Variants in KCTD15 observed in about 807,000 individuals in gnomAD.
KCTD15 encodes potassium channel tetramerization domain containing 15.
In KCTD15, 11 loss-of-function variants were observed where a neutral mutation model predicts 27.2. The observed-to-expected ratio is 0.41, with a 90% CI of 0.25 to 0.67. The LOEUF is 0.67. Among genes scored for constraint, KCTD15 ranks in the 30% least tolerant of loss-of-function variants. The probability of loss-of-function intolerance (pLI) is 0.35; values close to 1 mark genes in which losing one functional copy is unlikely to be tolerated. For synonymous variants in KCTD15, 163 were observed against 176.0 expected (o/e 0.93, Z 0.58); for missense variants, 350 against 409.3 (o/e 0.86, Z 1.25).
intron 6 of KCTD15, 66 bp from the exon 7 acceptor site, chr19:33,812,724 C>G: frequency 1.4e-6 from 2 of 1,399,140 alleles, no homozygotes; most frequent in Non-Finnish European, 1.9e-6. Context: ...ACCCACCTCC[C>G]TGCCAGGCCA....
chr19:33,803,521 A>G lies in KCTD15; in HGVS notation c.242+2179A>G, dbSNP rs566164555. Among the ~76,000 whole-genome samples, 4 of 152,008 alleles carry G rather than the reference A, an allele frequency of 2.6e-5. No individual in the cohort carries two copies. In the South Asian group the frequency reaches 8.4e-4, roughly 32 times the overall value. ...GGGACCTCTACCCTCGGCTCCCCTG[A>G]GAACTCTGCCTGAGCCTCTGGGTCT... On this transcript the variant is annotated intron_variant, in intron 4 of 6. Transcript: ENST00000683859.
upstream of KCTD15, among the ~76,000 whole-genome samples, chr19:33,794,621 C>T (rs1025205065): frequency 2.0e-5 from 3 of 152,242 alleles, no homozygotes; most frequent in Non-Finnish European, 4.4e-5. Context: ...ATTCCACCCT[C>T]CACAAAGGCC....
intron 4 of KCTD15, among the ~76,000 whole-genome samples, chr19:33,803,323 C>T (rs1344742501): frequency 6.6e-6 from 1 of 152,214 alleles, no homozygotes; most frequent in Non-Finnish European, 1.5e-5. Context: ...CTTGTCCTTC[C>T]TGTAGTGGAT....
At chr19:33,809,267 G>T (rs1975809213) in intron 5 of KCTD15, among the ~76,000 whole-genome samples, 1 of 152,000 alleles carries the variant, frequency 6.6e-6, no homozygotes, top group African/African-American at 2.4e-5. Flanking sequence ...ACAGAGCAAG[G>T]TTTCATAAGT....
chr19:33,802,890 G>C (rs1599674842), intron 4 of KCTD15, among the ~76,000 whole-genome samples: 1 of 152,348 alleles, frequency 6.6e-6, no homozygotes. Context: ...CCAGGCCCTG[G>C]GGGAGGCGGG....
At chr19:33,800,629 CTGT>C (rs1283104761) in intron 3 of KCTD15, 109 bp downstream of exon 3, 2 of 968,072 alleles carry the variant, frequency 2.1e-6, no homozygotes, top group African/African-American at 1.6e-5. Context: ...CTCCAGGTGG[CTGT>C]TGACTGGCTG....
intron 4 of KCTD15, 46 bp from the exon 5 acceptor site, chr19:33,806,817 C>CT: frequency 6.2e-7 from 1 of 1,600,216 alleles, no homozygotes; most frequent in Non-Finnish European, 8.5e-7. Flanking sequence ...GACAGGCAGA[C>CT]TTGTCCCCAT....
At position 33,797,220 on chromosome 19, in the gene KCTD15, G is replaced by A. The variant is rs902384788; in HGVS notation, c.-127+233G>A. 1.3e-4 allele frequency among the ~76,000 whole-genome samples: 19 copies of A among 151,920 alleles called. No homozygotes were observed. In the South Asian group the frequency reaches 4.0e-3, roughly 32 times the overall value. The stretch of plus-strand genomic sequence containing the variant: ...GGCCGCGGGTGGACCCTCCCCACGC[G>A]GGCGGTCTCGGAGCTTCCTGCCGCG... On this transcript the variant is annotated intron_variant, in intron 1 of 6. Coordinates refer to ENST00000683859, the MANE Select transcript of KCTD15 (RefSeq NM_001129994.2).
At position 33,811,478 on chromosome 19, in the gene KCTD15, G is replaced by C. The variant is rs1185531170; in HGVS notation, c.619G>C (p.Ala207Pro). The C allele has an allele frequency of 1.9e-6, 3 of 1,612,726 alleles. No individual in the cohort carries two copies. Among genetic ancestry groups the C allele is most frequent in the Non-Finnish European group, 1.7e-6 (2 of 1,179,774 alleles). Residue 207 changes from alanine (A) to proline (P), a missense_variant, in exon 6 of 7, where the codon GCC becomes CCC. Around this residue, in one of 3 missense-constraint regions of KCTD15, gnomAD observed 219 missense variants for 234.9 expected, o/e 0.93. Transcript: ENST00000683859. ...TGDVMCNSVN[A>P]GWNQDPTHVI... ...AGACGTCATGTGCAACTCCGTCAAC[G>C]CCGGCTGGAACCAGGACCCCACGCA...
intron 5 of KCTD15, among the ~76,000 whole-genome samples, chr19:33,810,094 C>T (rs1053073695): frequency 3.9e-5 from 6 of 152,120 alleles, no homozygotes; most frequent in African/African-American, 1.4e-4. Flanking sequence ...CTTGCCTCTT[C>T]CTCAGGCATG....
intron 2 of KCTD15, among the ~76,000 whole-genome samples, 187 bp downstream of exon 2, chr19:33,798,953 GT>G (rs1385592030): frequency 6.6e-6 from 1 of 152,208 alleles, no homozygotes; most frequent in Non-Finnish European, 1.5e-5. Context: ...TTCCTGTTCA[GT>G]TTATCCTCAG....
At chr19:33,811,177 T>TGCCCCCCCC in intron 5 of KCTD15, 70 bp from the exon 6 acceptor site, 2 of 786,088 alleles carry the variant, frequency 2.5e-6, no homozygotes, top group Non-Finnish European at 3.8e-6. Context: ...GCAGGCCGCC[T>TGCCCCCCCC]CCCCTCTCCC....
intron 5 of KCTD15, among the ~76,000 whole-genome samples, chr19:33,808,724 G>T: frequency 6.6e-6 from 1 of 152,078 alleles, no homozygotes; most frequent in South Asian, 2.1e-4. Flanking sequence ...AGAGGGGTGG[G>T]GGTGGGTGCA....
intron 6 of KCTD15, chr19:33,811,868 G>A (rs1174372229): frequency 7.5e-6 from 12 of 1,598,270 alleles, no homozygotes; most frequent in Middle Eastern, 1.7e-4. Flanking sequence ...CTTTGGATTC[G>A]AACTAAACCC....
Position 33,813,041 on chromosome 19 carries a change from C to T in KCTD15, c.*93C>T, listed in dbSNP as rs758850943. The T allele has an allele frequency of 3.4e-5, 45 of 1,328,914 alleles. No individual in the cohort carries two copies. Among genetic ancestry groups the T allele is most frequent in the Admixed American group, 4.1e-5 (2 of 49,368 alleles). The allele number at this position is 1,328,914 out of a possible 1,614,324, so 82.3% of individuals were successfully genotyped here. On this transcript the variant is annotated 3_prime_UTR_variant, in exon 7 of 7. Coordinates refer to ENST00000683859, the MANE Select transcript of KCTD15 (RefSeq NM_001129994.2). ...GTATACTTGGCCGTGGGCATGAGACCGAGGGTGAGGCTGGAGGGTCCAAAG... is the reference window on the plus strand; with the variant it reads ...GTATACTTGGCCGTGGGCATGAGACTGAGGGTGAGGCTGGAGGGTCCAAAG...
intron 3 of KCTD15, among the ~76,000 whole-genome samples, chr19:33,800,851 C>T (rs1426648210): frequency 1.3e-5 from 2 of 152,180 alleles, no homozygotes; most frequent in East Asian, 1.9e-4. Context: ...CATAAGCCCA[C>T]GACCTTTAAT....
intron 3 of KCTD15, among the ~76,000 whole-genome samples, chr19:33,800,912 T>A (rs902939731): frequency 1.3e-5 from 2 of 152,048 alleles, no homozygotes; most frequent in African/African-American, 4.8e-5. Flanking sequence ...CCTTGAAAAA[T>A]TTTTTTTCTT....
chr19:33,811,365 T>A lies in KCTD15; in HGVS notation c.506T>A (p.Leu169Gln). 1 of 1,580,794 alleles carries A rather than the reference T, an allele frequency of 6.3e-7. No individual in the cohort carries two copies. Among genetic ancestry groups the A allele is most frequent in the Non-Finnish European group, 8.6e-7 (1 of 1,163,904 alleles). ...QRRRSRACDC[L>Q]VVRVTPDLGE... ...CGCCGCAGCCGGGCCTGTGACTGCC[T>A]GGTGGTGCGCGTCACGCCCGACTTG... Residue 169 changes from leucine to glutamine, a missense_variant, in exon 6 of 7, where the codon CTG (leucine) becomes CAG (glutamine). Leu to Gln is a moderately radical substitution (Grantham distance 113, BLOSUM62 -2). This residue lies in a region of KCTD15 where 219 missense variants were observed against 234.9 expected (regional missense o/e 0.93). Transcript: ENST00000683859.
At chr19:33,807,115 G>A (rs1975737444) in intron 5 of KCTD15, 108 bp downstream of exon 5, 1 of 1,331,636 alleles carries the variant, frequency 7.5e-7, no homozygotes, top group Non-Finnish European at 1.0e-6. Context: ...ACCATAAAAA[G>A]TTAAACGATG....
Sources: allele counts gnomAD v4.1 joint callset (sites outside exome capture counted in the v4.1 genomes callset), GRCh38; gene constraint gnomAD v4.1.1; regional missense constraint gnomAD v4.1.1; transcripts MANE v1.5; gene names NCBI Gene and HGNC (gene_info 2026-07-23, HGNC 2026-07-21).